Variants in PLCL2 observed in about 807,000 individuals in gnomAD.
PLCL2 encodes inactive phospholipase C-like protein 2.
Under a neutral mutation model 79.6 loss-of-function variants are expected in PLCL2, and 4 were observed. The ratio of observed to expected loss-of-function variants is 0.05; its 90% CI spans 0.02 to 0.11. The LOEUF (loss-of-function observed/expected upper bound fraction) is 0.11, where lower values mean the gene tolerates loss of function less well. Among genes scored for constraint, PLCL2 ranks in the 10% least tolerant of loss-of-function variants. PLCL2 has a pLI of 1.00. For missense variants in PLCL2, 895 were observed against 1,291.0 expected, an observed-to-expected ratio of 0.69 and a Z score of 4.70; for synonymous variants, 484 against 457.7, an observed-to-expected ratio of 1.06 and a Z score of -0.73.
intron 3 of PLCL2, among the ~76,000 whole-genome samples, chr3:17,029,367 A>G (rs61413357): frequency 0.14 from 21,364 of 148,584 alleles, 1,792 homozygotes; most frequent in African/African-American, 0.24. Flanking sequence ...AAGAAAGAAA[A>G]AAAAAAACAA....
chr3:16,932,057 C>T (rs1175820554), intron 1 of PLCL2, among the ~76,000 whole-genome samples: 1 of 152,178 alleles, frequency 6.6e-6, no homozygotes, highest in East Asian at 1.9e-4. Flanking sequence ...AACCCGACCA[C>T]ACTGGCACCC....
chr3:17,034,436 A>G (rs1372148369), intron 3 of PLCL2, among the ~76,000 whole-genome samples: 1 of 152,246 alleles, frequency 6.6e-6, no homozygotes, highest in Non-Finnish European at 1.5e-5. Flanking sequence ...CAGGTATTTG[A>G]CATTCATCCA....
intron 1 of PLCL2, among the ~76,000 whole-genome samples, chr3:16,962,037 A>G (rs6796868): frequency 0.31 from 47,819 of 151,972 alleles, 7,937 homozygotes; most frequent in Non-Finnish European, 0.34. Context: ...GGCAGTTGAA[A>G]GATCCAATAT....
At chr3:17,048,390 G>A (rs1298138694) in intron 4 of PLCL2, among the ~76,000 whole-genome samples, 4 of 152,094 alleles carry the variant, frequency 2.6e-5, no homozygotes, top group Non-Finnish European at 5.9e-5. Context: ...GATGAACCAT[G>A]TAGCATGGAA....
At chr3:17,087,715 T>C (rs1184032363) in intron 5 of PLCL2, among the ~76,000 whole-genome samples, 1 of 152,184 alleles carries the variant, frequency 6.6e-6, no homozygotes, top group Non-Finnish European at 1.5e-5. Flanking sequence ...TGGTGCGGGA[T>C]GTGGCTACTA....
intron 4 of PLCL2, among the ~76,000 whole-genome samples, chr3:17,057,817 T>C (rs7610811): frequency 0.6 from 90,763 of 152,106 alleles, 27,597 homozygotes; most frequent in African/African-American, 0.71. Flanking sequence ...CAGTGTTTGG[T>C]ACAAAGCCAG....
At chr3:16,960,955 T>C (rs2063748778) in intron 1 of PLCL2, among the ~76,000 whole-genome samples, 1 of 152,200 alleles carries the variant, frequency 6.6e-6, no homozygotes, top group Admixed American at 6.5e-5. Flanking sequence ...TGAGAAAATA[T>C]AAAGAAAATA....
At chr3:16,919,743 A>T (rs1037151736) in intron 1 of PLCL2, among the ~76,000 whole-genome samples, 1 of 152,024 alleles carries the variant, frequency 6.6e-6, no homozygotes, top group Non-Finnish European at 1.5e-5. Flanking sequence ...GGTTGAGGGG[A>T]CACCTGTTTT....
intron 1 of PLCL2, among the ~76,000 whole-genome samples, chr3:16,950,807 T>C (rs1336940582): frequency 6.6e-6 from 1 of 152,180 alleles, no homozygotes; most frequent in Non-Finnish European, 1.5e-5. Context: ...TTTTATCTTT[T>C]AATTTGTTAA....
chr3:16,999,612 G>A (rs1013108878), intron 1 of PLCL2, among the ~76,000 whole-genome samples: 3 of 152,284 alleles, frequency 2.0e-5, no homozygotes, highest in South Asian at 4.1e-4. Flanking sequence ...TGAGGAAACC[G>A]AGGCACAGAG....
At chr3:17,025,706 A>C (rs1255242366) in intron 3 of PLCL2, among the ~76,000 whole-genome samples, 1 of 152,106 alleles carries the variant, frequency 6.6e-6, no homozygotes, top group African/African-American at 2.4e-5. Flanking sequence ...AGCTGGAAAA[A>C]AATTCTAAGG....
At chr3:17,041,693 C>T (rs1255827533) in intron 3 of PLCL2, among the ~76,000 whole-genome samples, 1 of 152,104 alleles carries the variant, frequency 6.6e-6, no homozygotes, top group Non-Finnish European at 1.5e-5. Flanking sequence ...CCTGTAATGC[C>T]AGCACTTGGG....
chr3:17,025,701 GA>G (rs775270126), intron 3 of PLCL2, among the ~76,000 whole-genome samples: 3 of 152,024 alleles, frequency 2.0e-5, no homozygotes, highest in African/African-American at 4.8e-5. Context: ...TCATGAGCTG[GA>G]AAAAAATTCT....
chr3:17,063,266 CTCCCTTCCTCCCTTCA>C (rs1454184699), intron 4 of PLCL2, among the ~76,000 whole-genome samples: 901 of 44,180 alleles, frequency 0.02, 82 homozygotes, highest in Non-Finnish European at 0.031. Flanking sequence ...TCCTCCCTTC[CTCCCTTCCTCCCTTCA>C]TTCCTTTCTT....
At chr3:17,051,532 T>C (rs2064838606) in intron 4 of PLCL2, among the ~76,000 whole-genome samples, 1 of 143,710 alleles carries the variant, frequency 7.0e-6, no homozygotes, top group Non-Finnish European at 1.5e-5. Flanking sequence ...GAAAGTACCC[T>C]GTTCTGGGGG....
intron 1 of PLCL2, among the ~76,000 whole-genome samples, chr3:16,919,297 C>T (rs370127179): frequency 4.6e-5 from 7 of 152,196 alleles, no homozygotes; most frequent in East Asian, 1.9e-4. Flanking sequence ...TTGTCCATTT[C>T]GCCTACATTT....
chr3:17,071,781 A>G (rs570916902), intron 5 of PLCL2, among the ~76,000 whole-genome samples: 1 of 152,224 alleles, frequency 6.6e-6, no homozygotes, highest in Non-Finnish European at 1.5e-5. Context: ...ACAAGCACTA[A>G]TGTCTCAGAT....
At chr3:16,933,327 G>A (rs1452500835) in intron 1 of PLCL2, 1 of 154,568 alleles carries the variant, frequency 6.5e-6, no homozygotes, top group African/African-American at 2.4e-5. Context: ...TGGGAGTGGT[G>A]GAAGATTAGC....
intron 3 of PLCL2, among the ~76,000 whole-genome samples, chr3:17,032,059 CTT>C (rs1297112704): frequency 8.1e-5 from 12 of 148,504 alleles, no homozygotes; most frequent in African/African-American, 2.5e-4. Flanking sequence ...GATTAAATAA[CTT>C]ATATTTCTTA....
Sources: allele counts gnomAD v4.1 joint callset (sites outside exome capture counted in the v4.1 genomes callset), GRCh38; gene constraint gnomAD v4.1.1; transcripts MANE v1.5; gene names NCBI Gene and HGNC (gene_info 2026-07-23, HGNC 2026-07-21).